The following SLC24A3 variants were observed in gnomAD, a reference collection of about 807,000 sequenced individuals.
The protein encoded by SLC24A3 is sodium/potassium/calcium exchanger 3.
A neutral mutation model predicts 75.8 loss-of-function variants in SLC24A3; 28 were observed. The ratio of observed to expected loss-of-function variants is 0.37; its 90% confidence interval spans 0.27 to 0.51. The LOEUF is 0.51. Ranked by LOEUF, SLC24A3 falls within the 20% of genes least tolerant of loss-of-function variation. The probability of loss-of-function intolerance (pLI) is 0.94; values close to 1 mark genes in which losing one functional copy is unlikely to be tolerated. For synonymous variants in SLC24A3, 372 were observed against 334.1 expected (o/e 1.11, Z -1.24); for missense variants, 663 against 847.8 (o/e 0.78, Z 2.71).
chr20:19,699,993 G>C (rs1322886266), intron 15 of SLC24A3, among the ~76,000 whole-genome samples: 1 of 152,146 alleles, frequency 6.6e-6, no homozygotes, highest in Non-Finnish European at 1.5e-5. Context: ...ACAAACCAAT[G>C]TCATCAATTG....
At chr20:19,350,614 C>A (rs1568597007) in intron 2 of SLC24A3, among the ~76,000 whole-genome samples, 2 of 152,078 alleles carry the variant, frequency 1.3e-5, no homozygotes, top group African/African-American at 4.8e-5. Flanking sequence ...CTCCAGGGCA[C>A]CATGGTAATT....
chr20:19,346,139 GTGTGTGTA>G lies in SLC24A3; in HGVS notation c.271+65054_271+65061del, dbSNP rs1404802611. Among the ~76,000 whole-genome samples the G allele has an allele frequency of 1.1e-3, 69 of 62,314 alleles. 13 individuals are homozygous for G. Among genetic ancestry groups the G allele is most frequent in the African/African-American group, 5.1e-3 (65 of 12,828 alleles). The allele number at this position is 62,314 out of a possible 152,430, so 40.9% of individuals were successfully genotyped here. A position where few individuals can be genotyped will look rare whatever the true frequency, so the allele number is the denominator to read the frequency against. Reference sequence around the variant, plus strand: ...GTGTGTGTGTGTATATATATATATGGTGTGTGTATATATATATGGTGTATATATATGGT... The same window carrying G: ...GTGTGTGTGTGTATATATATATATGGTATATATATGGTGTATATATATGGT... On this transcript the variant is annotated intron_variant, in intron 2 of 16. Coordinates refer to ENST00000328041, the MANE Select transcript of SLC24A3 (RefSeq NM_020689.4).
At chr20:19,306,481 A>G (rs181580897) in intron 2 of SLC24A3, among the ~76,000 whole-genome samples, 1 of 152,372 alleles carries the variant, frequency 6.6e-6, no homozygotes, top group East Asian at 1.9e-4. Context: ...CTGGATAAAG[A>G]AATTGTGATA....
intron 2 of SLC24A3, among the ~76,000 whole-genome samples, chr20:19,491,729 G>T (rs1988211851): frequency 6.6e-6 from 1 of 152,194 alleles, no homozygotes; most frequent in African/African-American, 2.4e-5. Context: ...GACATGCTGG[G>T]AAAGGAGTGG....
At chr20:19,413,959 T>C (rs542897624) in intron 2 of SLC24A3, among the ~76,000 whole-genome samples, 8 of 152,092 alleles carry the variant, frequency 5.3e-5, no homozygotes, top group Non-Finnish European at 1.0e-4. Context: ...AAAGAATGCA[T>C]ACAAATCAAT....
intron 2 of SLC24A3, among the ~76,000 whole-genome samples, chr20:19,368,154 G>A (rs1043334330): frequency 1.3e-5 from 2 of 150,234 alleles, no homozygotes; most frequent in Non-Finnish European, 2.9e-5. Context: ...CATGTTGGGG[G>A]CAGTTGGTGG....
chr20:19,391,065 C>T lies in SLC24A3; in HGVS notation c.271+109978C>T, dbSNP rs183435528. Among the ~76,000 whole-genome samples the T allele has an allele frequency of 4.6e-5, 7 of 152,316 alleles. No homozygotes were observed. In the East Asian group the frequency reaches 7.7e-4, roughly 17 times the overall value. ...GGTGCTAGGGCAGGTCTGAGATCAG[C>T]GGCTTTGGGACCATCCTGGGACCAG... On this transcript the variant is annotated intron_variant, in intron 2 of 16. Coordinates refer to ENST00000328041, the MANE Select transcript of SLC24A3 (RefSeq NM_020689.4).
intron 3 of SLC24A3, among the ~76,000 whole-genome samples, chr20:19,557,878 A>G (rs1253752622): frequency 6.6e-6 from 1 of 152,238 alleles, no homozygotes; most frequent in African/African-American, 2.4e-5. Flanking sequence ...GTTTTGAAAT[A>G]TAAAGGTATT....
At chr20:19,556,051 C>A (rs960677351) in intron 3 of SLC24A3, among the ~76,000 whole-genome samples, 1 of 152,040 alleles carries the variant, frequency 6.6e-6, no homozygotes, top group Non-Finnish European at 1.5e-5. Flanking sequence ...TTTGCTGTGT[C>A]CTCACATGGT....
intron 2 of SLC24A3, among the ~76,000 whole-genome samples, chr20:19,389,282 C>T (rs1986327141): frequency 1.3e-5 from 2 of 152,108 alleles, no homozygotes; most frequent in South Asian, 4.1e-4. Flanking sequence ...TATTAGAATA[C>T]TCTCAATTTG....
intron 2 of SLC24A3, among the ~76,000 whole-genome samples, chr20:19,328,336 T>G (rs1434524789): frequency 6.6e-6 from 1 of 152,068 alleles, no homozygotes; most frequent in Non-Finnish European, 1.5e-5. Context: ...GCCTCTTGCT[T>G]CCTGTGACCA....
chr20:19,685,465 CTGTA>C, intron 12 of SLC24A3, 104 bp downstream of exon 12: 1 of 1,520,110 alleles, frequency 6.6e-7, no homozygotes, highest in Non-Finnish European at 8.9e-7. Context: ...TTTAAAATCT[CTGTA>C]TGAACATGAG....
chr20:19,642,370 T>C (rs1306125019), intron 6 of SLC24A3, among the ~76,000 whole-genome samples: 1 of 152,252 alleles, frequency 6.6e-6, no homozygotes, highest in African/African-American at 2.4e-5. Flanking sequence ...TACACATTGC[T>C]GAGCATCTGT....
At position 19,678,763 on chromosome 20, in the gene SLC24A3, G is replaced by A. The variant is rs1214841667; in HGVS notation, c.768-3095G>A. ...TTCTCAGACGGGGCGGCTGCCGGGC[G>A]GAGGGGCTCCTCACTTCTCAGACGG... is the stretch of plus-strand genomic sequence containing the variant. On this transcript the variant is annotated intron_variant, in intron 9 of 16. Transcript: ENST00000328041. Among the ~76,000 whole-genome samples, 265 of 149,890 alleles carry A rather than the reference G, an allele frequency of 1.8e-3. 1 individual carries two copies. The highest frequency in any genetic ancestry group is 5.7e-3 in the African/African-American group (230 of 40,702).
intron 6 of SLC24A3, among the ~76,000 whole-genome samples, chr20:19,595,273 C>T (rs998697690): frequency 4.6e-5 from 7 of 152,166 alleles, no homozygotes; most frequent in African/African-American, 9.7e-5. Flanking sequence ...GAATGCAGCC[C>T]GTCTCTGCCT....
intron 2 of SLC24A3, among the ~76,000 whole-genome samples, chr20:19,460,965 G>T (rs560362596): frequency 6.6e-4 from 100 of 152,312 alleles, no homozygotes; most frequent in African/African-American, 2.1e-3. Context: ...TCATGTCCTA[G>T]AGAAGACCAG....
At chr20:19,323,901 G>A (rs1454471768) in intron 2 of SLC24A3, among the ~76,000 whole-genome samples, 2 of 152,144 alleles carry the variant, frequency 1.3e-5, no homozygotes, top group Non-Finnish European at 2.9e-5. Context: ...ATTATCATCA[G>A]CAGCATCATT....
At chr20:19,638,355 G>A (rs543424259) in intron 6 of SLC24A3, among the ~76,000 whole-genome samples, 1 of 152,256 alleles carries the variant, frequency 6.6e-6, no homozygotes, top group South Asian at 2.1e-4. Flanking sequence ...TATACCGCTG[G>A]GACATAGGAG....
At chr20:19,378,957 C>T (rs1470474610) in intron 2 of SLC24A3, among the ~76,000 whole-genome samples, 1 of 150,666 alleles carries the variant, frequency 6.6e-6, no homozygotes, top group Non-Finnish European at 1.5e-5. Flanking sequence ...CCCAAGAGTC[C>T]ACCTAACTGG....
Sources: gnomAD v4.1 joint callset for allele counts (sites outside exome capture counted in the v4.1 genomes callset) on GRCh38, gnomAD v4.1.1 for gene constraint, MANE v1.5 for transcripts, NCBI Gene and HGNC (gene_info 2026-07-23, HGNC 2026-07-21) for gene names.